Variants in DLG2 observed in about 807,000 individuals in gnomAD.
DLG2 encodes the protein disks large homolog 2.
In DLG2, 45 loss-of-function variants were observed where a neutral mutation model predicts 132.5. That is an observed-to-expected ratio of 0.34 (90% CI 0.27 to 0.44). DLG2 has a LOEUF of 0.44. Among genes scored for constraint, DLG2 ranks in the 20% least tolerant of loss-of-function variants. The pLI is 1.00. For synonymous variants in DLG2, 424 were observed against 419.6 expected (o/e 1.01, Z -0.13); for missense variants, 1,045 against 1,196.9 (o/e 0.87, Z 1.87).
At chr11:84,352,472 AT>A (rs1379180753) in intron 7 of DLG2, among the ~76,000 whole-genome samples, 1 of 152,174 alleles carries the variant, frequency 6.6e-6, no homozygotes, top group Non-Finnish European at 1.5e-5. Flanking sequence ...TGTTTTTGTA[AT>A]TTTGTAATAT....
chr11:84,421,735 G>C (rs1412003815), intron 7 of DLG2, among the ~76,000 whole-genome samples: 3 of 152,154 alleles, frequency 2.0e-5, no homozygotes, highest in Non-Finnish European at 2.9e-5. Flanking sequence ...CCTAAGCAAA[G>C]TCACATCTTC....
chr11:85,000,388 G>A (rs995034110), intron 6 of DLG2, among the ~76,000 whole-genome samples: 1 of 152,132 alleles, frequency 6.6e-6, no homozygotes, highest in Non-Finnish European at 1.5e-5. Flanking sequence ...TGAAGCAGTA[G>A]GAATACTGAG....
chr11:84,769,474 G>T (rs551002860), intron 6 of DLG2, among the ~76,000 whole-genome samples: 16 of 151,926 alleles, frequency 1.1e-4, no homozygotes, highest in African/African-American at 3.9e-4. Context: ...GAGAAATATG[G>T]GATTATTTAA....
intron 6 of DLG2, among the ~76,000 whole-genome samples, chr11:85,034,695 A>T (rs1044369669): frequency 6.6e-6 from 1 of 152,154 alleles, no homozygotes; most frequent in African/African-American, 2.4e-5. Context: ...GCATCCTCAC[A>T]TTCTGTACCC....
chr11:84,375,668 TA>T (rs1394067098), intron 7 of DLG2, among the ~76,000 whole-genome samples: 3 of 149,674 alleles, frequency 2.0e-5, no homozygotes, highest in Admixed American at 6.6e-5. Context: ...GCAACTGGAA[TA>T]TTTTTTTTTT....
At chr11:85,492,884 A>G (rs2093593432) in intron 3 of DLG2, among the ~76,000 whole-genome samples, 1 of 152,176 alleles carries the variant, frequency 6.6e-6, no homozygotes, top group Non-Finnish European at 1.5e-5. Context: ...AAAAGAAAAA[A>G]TAAGTTGCCT....
At chr11:83,540,769 A>G (rs1182914636) in intron 20 of DLG2, among the ~76,000 whole-genome samples, 4 of 152,212 alleles carry the variant, frequency 2.6e-5, no homozygotes, top group African/African-American at 7.2e-5. Context: ...ATGAGGATCA[A>G]AGCCCTTTGA....
chr11:84,771,462 GT>G (rs896694489), intron 6 of DLG2, among the ~76,000 whole-genome samples: 1 of 152,062 alleles, frequency 6.6e-6, no homozygotes, highest in Non-Finnish European at 1.5e-5. Flanking sequence ...TAATGGGGTT[GT>G]TTTTTTCTTG....
At chr11:84,977,354 C>A (rs145698832) in intron 6 of DLG2, among the ~76,000 whole-genome samples, 1 of 152,114 alleles carries the variant, frequency 6.6e-6, no homozygotes, top group African/African-American at 2.4e-5. Context: ...TAAGAACATG[C>A]AGAATCAAAG....
chr11:84,812,618 G>A (rs1157937926), intron 6 of DLG2, among the ~76,000 whole-genome samples: 1 of 152,032 alleles, frequency 6.6e-6, no homozygotes, highest in East Asian at 1.9e-4. Flanking sequence ...ACCATACAGA[G>A]ACCTAAGTGA....
chr11:85,485,152 T>C (rs1351396872), intron 3 of DLG2, among the ~76,000 whole-genome samples: 2 of 150,012 alleles, frequency 1.3e-5, no homozygotes, highest in South Asian at 2.1e-4. Flanking sequence ...AATTGAACAA[T>C]GAGAACACAT....
chr11:83,460,673 G>A (rs998794436), intron 27 of DLG2, among the ~76,000 whole-genome samples: 2 of 152,104 alleles, frequency 1.3e-5, no homozygotes, highest in African/African-American at 2.4e-5. Flanking sequence ...AAACACATCA[G>A]TATTATCCAT....
intron 3 of DLG2, among the ~76,000 whole-genome samples, chr11:85,515,014 T>C (rs2094145024): frequency 6.6e-6 from 1 of 151,940 alleles, no homozygotes; most frequent in Non-Finnish European, 1.5e-5. Flanking sequence ...TATAGAATCA[T>C]CTATATTTGT....
chr11:85,148,326 C>T (rs139174808), intron 5 of DLG2, among the ~76,000 whole-genome samples: 1 of 152,098 alleles, frequency 6.6e-6, no homozygotes, highest in East Asian at 1.9e-4. Context: ...GAGGAATTGG[C>T]ACACTGTCTT....
intron 5 of DLG2, 135 bp downstream of exon 5, chr11:85,154,421 G>A (rs2077465367): frequency 1.9e-6 from 1 of 513,392 alleles, no homozygotes; most frequent in Non-Finnish European, 3.4e-6. Context: ...AACCCAATAT[G>A]CTGACCAGGC....
At chr11:84,554,398 A>G (rs1161885798) in intron 6 of DLG2, among the ~76,000 whole-genome samples, 1 of 152,124 alleles carries the variant, frequency 6.6e-6, no homozygotes, top group Non-Finnish European at 1.5e-5. Context: ...GATAGGCAGT[A>G]TTATTTCTCT....
At chr11:84,301,472 A>G (rs2098152036) in intron 7 of DLG2, among the ~76,000 whole-genome samples, 3 of 151,906 alleles carry the variant, frequency 2.0e-5, no homozygotes, top group African/African-American at 7.3e-5. Context: ...CCTGGCTAAC[A>G]TGGTGAAGCC....
chr11:83,578,612 G>T (rs2096920347), intron 19 of DLG2, among the ~76,000 whole-genome samples: 1 of 152,094 alleles, frequency 6.6e-6, no homozygotes, highest in African/African-American at 2.4e-5. Context: ...AAGTTGGAAT[G>T]ACTGCATTAA....
intron 3 of DLG2, among the ~76,000 whole-genome samples, chr11:85,433,826 T>C (rs185196040): frequency 3.3e-5 from 5 of 152,170 alleles, no homozygotes; most frequent in Admixed American, 6.5e-5. Context: ...ACCTAATAAA[T>C]AGCTACAGAA....
Sources: gnomAD v4.1 joint callset for allele counts (sites outside exome capture counted in the v4.1 genomes callset) on GRCh38, gnomAD v4.1.1 for gene constraint, MANE v1.5 for transcripts, NCBI Gene and HGNC (gene_info 2026-07-23, HGNC 2026-07-21) for gene names.